Variants in KIF1B observed in about 807,000 individuals in gnomAD.
The protein encoded by KIF1B is kinesin-like protein KIF1B.
A neutral mutation model predicts 241.9 loss-of-function variants in KIF1B; 76 were observed. The ratio of observed to expected loss-of-function variants is 0.31; its 90% CI spans 0.26 to 0.38. The LOEUF (loss-of-function observed/expected upper bound fraction) is 0.38. Ranked by LOEUF, KIF1B falls within the 10% of genes least tolerant of loss-of-function variation. KIF1B has a pLI of 1.00. For missense variants in KIF1B, 1,622 were observed against 2,271.4 expected (o/e 0.71, Z 5.81); for synonymous variants, 750 against 796.7 (o/e 0.94, Z 0.99).
Position 10,282,302 on chromosome 1 carries a change from CTCT to C in KIF1B, c.1223-15_1223-13del, listed in dbSNP as rs778508871. On this transcript the variant is annotated splice_polypyrimidine_tract_variant and intron_variant, in intron 14 of 48. Coordinates refer to ENST00000676179, the MANE Select transcript of KIF1B (RefSeq NM_001365951.3). Reference sequence around the variant, plus strand: ...CCCTTTTCCCTACTTTTCCTGCCTTCTCTTCTTTCTATCTCCCAGATCTGAAAG... The same window carrying C: ...CCCTTTTCCCTACTTTTCCTGCCTTCTCTTTCTATCTCCCAGATCTGAAAG... 4.8e-5 allele frequency: 76 copies of C among 1,596,294 alleles called. No individual in the cohort carries two copies. The highest frequency in any genetic ancestry group is 5.9e-5 in the Non-Finnish European group (69 of 1,164,760).
intron 9 of KIF1B, chr1:10,272,515 AAT>A: frequency 1.6e-6 from 1 of 639,520 alleles, no homozygotes; most frequent in South Asian, 1.6e-5. Flanking sequence ...AACAAAAGTA[AAT>A]ATAGATCTGT....
At chr1:10,366,470 G>A (rs1319290870) in intron 43 of KIF1B, among the ~76,000 whole-genome samples, 2 of 151,840 alleles carry the variant, frequency 1.3e-5, no homozygotes, top group African/African-American at 4.8e-5. Context: ...CAGGAGGGAG[G>A]CAGCGGTGTC....
chr1:10,282,576 TC>T, intron 15 of KIF1B, 43 bp downstream of exon 15: 1 of 1,480,190 alleles, frequency 6.8e-7, no homozygotes, highest in Non-Finnish European at 9.4e-7. Flanking sequence ...TCTATGTAGC[TC>T]CACAAGGAAG....
intron 2 of KIF1B, among the ~76,000 whole-genome samples, chr1:10,238,841 A>G (rs1238337802): frequency 1.3e-5 from 2 of 152,230 alleles, no homozygotes; most frequent in African/African-American, 4.8e-5. Context: ...AATTATGAAC[A>G]TTGTGAATAA....
chr1:10,328,229 A>G lies in KIF1B; in HGVS notation c.2924+1870A>G, dbSNP rs889164719. On this transcript the variant is annotated intron_variant, in intron 27 of 48. Transcript: ENST00000676179. The stretch of plus-strand genomic sequence containing the variant: ...AATAAAATAAAACAGAATTTGTAGT[A>G]TGGTATTGGTCACATGGTCGGAACC... Among the ~76,000 whole-genome samples the G allele has an allele frequency of 2.0e-5, 3 of 152,192 alleles. No individual in the cohort carries two copies. In the South Asian group the frequency reaches 6.2e-4, roughly 31 times the overall value.
chr1:10,372,659 CAGAGCTGTCA>C (rs1189790765), intron 45 of KIF1B, among the ~76,000 whole-genome samples: 1 of 120,082 alleles, frequency 8.3e-6, no homozygotes, highest in Non-Finnish European at 1.7e-5. Flanking sequence ...GCTTGGGTGA[CAGAGCTGTCA>C]CCCAAGCTGG....
chr1:10,235,118 G>C (rs2102135410), intron 2 of KIF1B, among the ~76,000 whole-genome samples: 1 of 151,760 alleles, frequency 6.6e-6, no homozygotes, highest in Admixed American at 6.6e-5. Context: ...TTGAACTCCT[G>C]ACCTCAGGTC....
intron 4 of KIF1B, among the ~76,000 whole-genome samples, chr1:10,259,853 C>T (rs772711653): frequency 7.9e-5 from 12 of 151,670 alleles, no homozygotes; most frequent in South Asian, 2.1e-4. Context: ...AGGCTGGTCT[C>T]GAATGGACCT....
chr1:10,314,611 G>T (rs1468462462), intron 22 of KIF1B, among the ~76,000 whole-genome samples: 1 of 151,154 alleles, frequency 6.6e-6, no homozygotes, highest in Non-Finnish European at 1.5e-5. Context: ...GCAGAAACAG[G>T]GTCTCACTAT....
chr1:10,319,420 G>T (rs1295869019), intron 22 of KIF1B, among the ~76,000 whole-genome samples: 1 of 152,022 alleles, frequency 6.6e-6, no homozygotes, highest in East Asian at 1.9e-4. Flanking sequence ...TCTTATAGTT[G>T]CATATTGAAA....
intron 27 of KIF1B, among the ~76,000 whole-genome samples, chr1:10,332,311 C>G (rs1163728755): frequency 6.6e-6 from 1 of 151,918 alleles, no homozygotes; most frequent in Non-Finnish European, 1.5e-5. Flanking sequence ...GGTGACCCGC[C>G]TGCCTCGGCC....
chr1:10,262,901 A>G (rs1648227630), intron 5 of KIF1B, among the ~76,000 whole-genome samples: 1 of 152,162 alleles, frequency 6.6e-6, no homozygotes, highest in South Asian at 2.1e-4. Context: ...TTGGAAAGTA[A>G]TTATCCATCC....
At chr1:10,261,687 G>T (rs1648154791) in intron 4 of KIF1B, among the ~76,000 whole-genome samples, 1 of 152,150 alleles carries the variant, frequency 6.6e-6, no homozygotes, top group South Asian at 2.1e-4. Context: ...ATCTTATGGG[G>T]ATCACTATCA....
Position 10,282,482 on chromosome 1 carries a change from A to G in KIF1B, c.1383A>G (p.Gln461=), listed in dbSNP as rs1649460480. 6.2e-7 allele frequency: 1 copy of G among 1,614,162 alleles called. No homozygotes were observed. Among genetic ancestry groups the G allele is most frequent in the African/African-American group, 1.3e-5 (1 of 75,026 alleles). ...GCTTGACGTCTGTGACCAGTATTCA[A>G]GAGAGGATCATGTCTACACCTGGAG... ...QVGLTSVTSI[Q]ERIMSTPGGE... is the part of the protein sequence containing the mutation. The change falls in exon 15 of 49, where the codon CAA becomes CAG. Residue 461 remains glutamine, a synonymous_variant. Coordinates refer to ENST00000676179, the MANE Select transcript of KIF1B (RefSeq NM_001365951.3).
At chr1:10,225,441 C>T (rs1307165433) in intron 1 of KIF1B, among the ~76,000 whole-genome samples, 2 of 152,150 alleles carry the variant, frequency 1.3e-5, no homozygotes, top group Non-Finnish European at 2.9e-5. Context: ...GCCATGATTC[C>T]CTTGACAGAG....
At chr1:10,217,185 GCTGGTCT>G (rs994660353) in intron 1 of KIF1B, among the ~76,000 whole-genome samples, 8 of 151,000 alleles carry the variant, frequency 5.3e-5, no homozygotes. Context: ...TGTTGGCCAG[GCTGGTCT>G]CAAACTCCTG....
At chr1:10,306,877 ATTTTCATTCTTACAGTGGTC>A in intron 22 of KIF1B, 1 of 1,042,486 alleles carries the variant, frequency 9.6e-7, no homozygotes, top group Non-Finnish European at 1.2e-6. Context: ...AGGTCCATAT[ATTTTCATTCTTACAGTGGTC>A]TTTTCATGGG....
In KIF1B at chr1:10,381,029, A is replaced by T. The variant is rs746547953; in HGVS notation, c.*4442A>T. The T allele has an allele frequency of 9.0e-6, 2 of 223,412 alleles. No homozygotes were observed. 13.8% of individuals were successfully genotyped at this position (223,412 alleles called of 1,614,324 possible). A position where few individuals can be genotyped will look rare whatever the true frequency, so the allele number is the denominator to read the frequency against. ...TGCTATAAAATTCAGTAAAAAGCTC[A>T]TAGCCAAACGGCTGTGCTCAGATGG... On this transcript the variant is annotated 3_prime_UTR_variant, in exon 49 of 49. Coordinates refer to ENST00000676179, the MANE Select transcript of KIF1B (RefSeq NM_001365951.3).
chr1:10,236,132 C>G (rs547340252), intron 2 of KIF1B, among the ~76,000 whole-genome samples: 1 of 151,658 alleles, frequency 6.6e-6, no homozygotes, highest in East Asian at 1.9e-4. Context: ...ATTAGCCGGA[C>G]GTGGTGATGC....
Sources: allele counts gnomAD v4.1 joint callset (sites outside exome capture counted in the v4.1 genomes callset), GRCh38; gene constraint gnomAD v4.1.1; transcripts MANE v1.5; gene names NCBI Gene and HGNC (gene_info 2026-07-23, HGNC 2026-07-21).